Variants in NAALADL2 observed in about 807,000 individuals in gnomAD.
NAALADL2 encodes N-acetylated alpha-linked acidic dipeptidase like 2.
A neutral mutation model predicts 87.2 loss-of-function variants in NAALADL2; 76 were observed. The observed-to-expected ratio is 0.87, with a 90% CI of 0.72 to 1.05. NAALADL2 has a LOEUF of 1.05. NAALADL2 is among the 50% of genes least tolerant of loss of function. NAALADL2 has a pLI of 0.00. For synonymous variants in NAALADL2, 354 were observed against 331.0 expected (o/e 1.07, Z -0.75); for missense variants, 1,089 against 945.8 (o/e 1.15, Z -1.99).
intron 2 of NAALADL2, among the ~76,000 whole-genome samples, chr3:174,590,746 A>G (rs1347397436): frequency 6.6e-6 from 1 of 152,190 alleles, no homozygotes; most frequent in East Asian, 1.9e-4. Context: ...CAGGCACAGT[A>G]ACAGTACTAA....
intron 1 of NAALADL2, among the ~76,000 whole-genome samples, chr3:175,085,917 A>G (rs1052122469): frequency 6.6e-6 from 1 of 152,224 alleles, no homozygotes; most frequent in Non-Finnish European, 1.5e-5. Flanking sequence ...ACTCCATCTC[A>G]GAAGATATAG....
chr3:174,796,276 T>C (rs1411226059), intron 3 of NAALADL2, among the ~76,000 whole-genome samples: 1 of 152,206 alleles, frequency 6.6e-6, no homozygotes, highest in Non-Finnish European at 1.5e-5. Flanking sequence ...GTTATATGAG[T>C]ATATTGCATA....
At chr3:174,714,781 T>C (rs1168971249) in intron 2 of NAALADL2, among the ~76,000 whole-genome samples, 4 of 152,104 alleles carry the variant, frequency 2.6e-5, no homozygotes, top group African/African-American at 2.4e-5. Context: ...TAATTGAATA[T>C]CCTTTATTTC....
intron 11 of NAALADL2, among the ~76,000 whole-genome samples, chr3:175,645,781 G>C (rs1729926276): frequency 6.6e-6 from 1 of 152,118 alleles, no homozygotes. Context: ...GTTTGAGATA[G>C]AAAGCAAGTT....
At chr3:175,718,194 G>GTTTT in intron 11 of NAALADL2, 2 of 1,034,870 alleles carry the variant, frequency 1.9e-6, no homozygotes, top group Non-Finnish European at 2.7e-6. Flanking sequence ...AAGGGCCTGT[G>GTTTT]GTTTTTTTTT....
chr3:175,182,733 A>C (rs541452549), intron 2 of NAALADL2, among the ~76,000 whole-genome samples: 1 of 151,074 alleles, frequency 6.6e-6, no homozygotes, highest in Non-Finnish European at 1.5e-5. Flanking sequence ...ATTTTGTTTT[A>C]GTTTGACATA....
intron 2 of NAALADL2, among the ~76,000 whole-genome samples, chr3:174,657,044 T>C (rs552288280): frequency 2.9e-4 from 41 of 142,178 alleles, no homozygotes; most frequent in South Asian, 1.1e-3. Flanking sequence ...CCTTCTTCTT[T>C]TTTTTTTTTT....
intron 2 of NAALADL2, among the ~76,000 whole-genome samples, chr3:175,116,658 C>G (rs1390263315): frequency 6.6e-6 from 1 of 152,026 alleles, no homozygotes; most frequent in Non-Finnish European, 1.5e-5. Flanking sequence ...GCCATACTGC[C>G]CAATGTAATT....
intron 1 of NAALADL2, among the ~76,000 whole-genome samples, chr3:174,924,151 T>G (rs1005053021): frequency 3.3e-5 from 5 of 152,004 alleles, no homozygotes; most frequent in African/African-American, 1.2e-4. Flanking sequence ...CATGTTGGTG[T>G]GCTGCACCCA....
chr3:175,763,913 G>A (rs1265920665), intron 13 of NAALADL2, among the ~76,000 whole-genome samples: 2 of 152,006 alleles, frequency 1.3e-5, no homozygotes, highest in African/African-American at 2.4e-5. Context: ...AGGAAATTTG[G>A]TGTGGCTTTG....
At chr3:175,643,304 C>T (rs1014844024) in intron 11 of NAALADL2, among the ~76,000 whole-genome samples, 1 of 152,140 alleles carries the variant, frequency 6.6e-6, no homozygotes, top group Non-Finnish European at 1.5e-5. Context: ...TTTCCAACAA[C>T]GATTAAGAGT....
At chr3:174,884,475 CT>C (rs1729814380) in intron 1 of NAALADL2, among the ~76,000 whole-genome samples, 1 of 152,176 alleles carries the variant, frequency 6.6e-6, no homozygotes, top group African/African-American at 2.4e-5. Context: ...CATTGTCACA[CT>C]TCTTTAGCTG....
chr3:175,687,234 A>G (rs1372894080), intron 11 of NAALADL2, among the ~76,000 whole-genome samples: 1 of 152,238 alleles, frequency 6.6e-6, no homozygotes, highest in African/African-American at 2.4e-5. Context: ...TTAAGTATTT[A>G]GAAATGAGAT....
chr3:174,898,834 T>C (rs1344957267), intron 1 of NAALADL2, among the ~76,000 whole-genome samples: 1 of 152,140 alleles, frequency 6.6e-6, no homozygotes, highest in African/African-American at 2.4e-5. Flanking sequence ...GCAAGGAAAG[T>C]ATCTTTGTGG....
chr3:175,788,934 C>G (rs1465667549), intron 13 of NAALADL2, among the ~76,000 whole-genome samples: 7 of 152,092 alleles, frequency 4.6e-5, no homozygotes, highest in Non-Finnish European at 8.8e-5. Context: ...TCTAAATTAT[C>G]TCTTTCTGAG....
At chr3:175,097,795 G>A (rs958712791) in intron 2 of NAALADL2, among the ~76,000 whole-genome samples, 2 of 152,006 alleles carry the variant, frequency 1.3e-5, no homozygotes, top group Non-Finnish European at 2.9e-5. Context: ...GTTGTAAAAG[G>A]TTTTCTAGTT....
rs548577858 is a variant in NAALADL2, at chr3:175,088,178, AT to A, written c.44-8608del. 5.3e-5 allele frequency among the ~76,000 whole-genome samples: 8 copies of A among 152,268 alleles called. No homozygotes were observed. In the South Asian group the frequency reaches 1.7e-3, roughly 32 times the overall value. ...ATTTTGGGTTAAATTACCAATTTTA[AT>A]TTTCTTTAGATTGTAGCCTAACAGT... On this transcript the variant is annotated intron_variant, in intron 1 of 13. Transcript: ENST00000454872.
At chr3:175,426,310 C>T (rs1049237323) in intron 5 of NAALADL2, among the ~76,000 whole-genome samples, 3 of 152,150 alleles carry the variant, frequency 2.0e-5, no homozygotes, top group Non-Finnish European at 4.4e-5. Context: ...TTGCAGTGAG[C>T]CACAATTTGG....
intron 11 of NAALADL2, among the ~76,000 whole-genome samples, chr3:175,645,318 G>A (rs1729850550): frequency 6.6e-6 from 1 of 152,052 alleles, no homozygotes; most frequent in South Asian, 2.1e-4. Context: ...CACAACATTG[G>A]TTGAAGATAA....
Sources: allele counts gnomAD v4.1 joint callset (sites outside exome capture counted in the v4.1 genomes callset), GRCh38; gene constraint gnomAD v4.1.1; transcripts MANE v1.5; gene names NCBI Gene and HGNC (gene_info 2026-07-23, HGNC 2026-07-21).